Variants in MYO3B observed in about 807,000 individuals in gnomAD.
The protein encoded by MYO3B is myosin IIIB.
Under a neutral mutation model 174.6 loss-of-function variants are expected in MYO3B, and 156 were observed. The ratio of observed to expected loss-of-function variants is 0.89; its 90% CI spans 0.78 to 1.02. The LOEUF (loss-of-function observed/expected upper bound fraction) is 1.02. MYO3B is among the 50% of genes least tolerant of loss of function. The probability of loss-of-function intolerance (pLI) is 0.00; values close to 1 mark genes in which losing one functional copy is unlikely to be tolerated. For synonymous variants in MYO3B, 563 were observed against 569.1 expected (o/e 0.99, Z 0.15); for missense variants, 1,632 against 1,639.4 (o/e 1.00, Z 0.08).
chr2:170,438,916 G>C (rs1559001544), intron 22 of MYO3B, among the ~76,000 whole-genome samples: 2 of 151,894 alleles, frequency 1.3e-5, no homozygotes, highest in Non-Finnish European at 2.9e-5. Context: ...ACAGGTGTGA[G>C]CCACCGTGCC....
chr2:170,464,765 T>A (rs1023552720), intron 24 of MYO3B, among the ~76,000 whole-genome samples: 4 of 152,172 alleles, frequency 2.6e-5, no homozygotes, highest in South Asian at 2.1e-4. Flanking sequence ...TTATTTCTTA[T>A]ATTGAGACAC....
chr2:170,638,364 C>A (rs541635758), intron 32 of MYO3B, among the ~76,000 whole-genome samples: 8 of 152,256 alleles, frequency 5.3e-5, no homozygotes, highest in African/African-American at 9.6e-5. Flanking sequence ...TTCAGGGGAA[C>A]CTACCTTGTG....
At chr2:170,402,708 C>T (rs1176805814) in intron 18 of MYO3B, 140 bp from the exon 19 acceptor site, 1 of 605,402 alleles carries the variant, frequency 1.7e-6, no homozygotes, top group Non-Finnish European at 2.5e-6. Flanking sequence ...TGCTTCTTTT[C>T]TTAGGGGTGG....
chr2:170,414,861 T>C (rs2094568412), intron 22 of MYO3B, among the ~76,000 whole-genome samples: 1 of 152,238 alleles, frequency 6.6e-6, no homozygotes, highest in Admixed American at 6.5e-5. Context: ...TTTATTTTGA[T>C]TTTAGTTATT....
In MYO3B at chr2:170,563,139, CACACACAT is replaced by C. The variant is rs1339391518; in HGVS notation, c.3733+19159_3733+19166del. On this transcript the variant is annotated intron_variant, in intron 32 of 34. Transcript: ENST00000408978. ...ACACATACACACACACACACACACA[CACACACAT>C]ACACACACACACCCCAAGAATCAAA... is the stretch of plus-strand genomic sequence containing the variant. Among the ~76,000 whole-genome samples, 1,507 of 151,352 alleles carry C rather than the reference CACACACAT, an allele frequency of 1.0e-2. 33 individuals are homozygous for C. Among genetic ancestry groups the C allele is most frequent in the East Asian group, 0.083 (426 of 5,128 alleles).
rs202048084 is a variant in MYO3B, at chr2:170,304,901, TA to T, written c.750-30483del. Reference sequence around the variant, plus strand: ...TGGCCTTCTAATTTTGTTTAAGGTTTATTTTTTTTTTCTGTAAGAATCTGAC... The same window carrying T: ...TGGCCTTCTAATTTTGTTTAAGGTTTTTTTTTTTTTCTGTAAGAATCTGAC... On this transcript the variant is annotated intron_variant, in intron 7 of 34. Coordinates refer to ENST00000408978, the MANE Select transcript of MYO3B (RefSeq NM_138995.5). 3.0e-4 allele frequency among the ~76,000 whole-genome samples: 45 copies of T among 151,638 alleles called. 1 individual carries two copies. Among genetic ancestry groups the T allele is most frequent in the African/African-American group, 4.6e-4 (19 of 41,348 alleles).
At chr2:170,434,796 G>T (rs2094739308) in intron 22 of MYO3B, among the ~76,000 whole-genome samples, 1 of 152,190 alleles carries the variant, frequency 6.6e-6, no homozygotes, top group Admixed American at 6.5e-5. Context: ...AAGTAGCTGG[G>T]ACCACAGGCG....
chr2:170,398,228 G>GAAAAAAAA (rs34432719), intron 16 of MYO3B, among the ~76,000 whole-genome samples: 1 of 87,958 alleles, frequency 1.1e-5, no homozygotes, highest in African/African-American at 4.5e-5. Flanking sequence ...TGTCTCAAAA[G>GAAAAAAAA]AAAAAAAAAA....
At chr2:170,510,694 A>T (rs1687921231) in intron 28 of MYO3B, among the ~76,000 whole-genome samples, 1 of 71,318 alleles carries the variant, frequency 1.4e-5, no homozygotes, top group African/African-American at 7.0e-5. Flanking sequence ...AAGAACTCCA[A>T]AAAGTTCCCT....
chr2:170,626,147 C>A (rs139101564), intron 32 of MYO3B, among the ~76,000 whole-genome samples: 51 of 152,000 alleles, frequency 3.4e-4, no homozygotes, highest in Non-Finnish European at 4.3e-4. Context: ...TAATGTTGAC[C>A]GTGGGGTGTT....
intron 25 of MYO3B, among the ~76,000 whole-genome samples, chr2:170,480,362 T>C (rs781496285): frequency 7.2e-5 from 11 of 152,192 alleles, no homozygotes; most frequent in Non-Finnish European, 1.3e-4. Context: ...GGATTCTGGA[T>C]AGTTGAACAC....
chr2:170,226,282 C>T (rs2092951077), intron 6 of MYO3B, among the ~76,000 whole-genome samples: 1 of 152,190 alleles, frequency 6.6e-6, no homozygotes, highest in Non-Finnish European at 1.5e-5. Context: ...GCTGAAAGAC[C>T]TGCCTACCTT....
In MYO3B at chr2:170,466,605, C is replaced by CGA; in HGVS notation, c.2914_2915dup (p.Val973GlyfsTer32). Reference sequence around the variant, plus strand: ...TGACCGAGAGGCCCTGCAGTTCTCTCGAGAGAGGGTGCTGGCCCAGCTCCG... The same window carrying CGA: ...TGACCGAGAGGCCCTGCAGTTCTCTCGAGAGAGAGGGTGCTGGCCCAGCTCCG... On this transcript the variant is annotated frameshift_variant, in exon 25 of 35. Coordinates refer to ENST00000408978, the MANE Select transcript of MYO3B (RefSeq NM_138995.5). LOFTEE classifies it high-confidence loss of function. 6.2e-7 allele frequency: 1 copy of CGA among 1,614,228 alleles called. No homozygotes were observed. The highest frequency in any genetic ancestry group is 1.6e-4 in the Middle Eastern group (1 of 6,062).
intron 22 of MYO3B, among the ~76,000 whole-genome samples, chr2:170,429,024 A>G (rs2094687393): frequency 6.6e-6 from 1 of 152,226 alleles, no homozygotes; most frequent in African/African-American, 2.4e-5. Context: ...ATGGGAAGCT[A>G]ACAGCGTCTT....
intron 32 of MYO3B, among the ~76,000 whole-genome samples, chr2:170,592,721 G>C (rs938108614): frequency 1.3e-5 from 2 of 152,062 alleles, no homozygotes; most frequent in African/African-American, 4.8e-5. Flanking sequence ...TATCCTTGGT[G>C]CCCATCACAT....
At chr2:170,237,826 C>A (rs1368872224) in intron 7 of MYO3B, among the ~76,000 whole-genome samples, 1 of 152,108 alleles carries the variant, frequency 6.6e-6, no homozygotes, top group East Asian at 1.9e-4. Context: ...AACCTCCTGC[C>A]CTTTTAATGT....
chr2:170,535,192 T>TA (rs1689609004), intron 30 of MYO3B, among the ~76,000 whole-genome samples: 1 of 152,192 alleles, frequency 6.6e-6, no homozygotes, highest in South Asian at 2.1e-4. Flanking sequence ...CCCCAGTACT[T>TA]ACAATAGTAG....
chr2:170,528,653 G>A (rs771360376), intron 30 of MYO3B, among the ~76,000 whole-genome samples: 2 of 152,166 alleles, frequency 1.3e-5, no homozygotes, highest in Non-Finnish European at 2.9e-5. Flanking sequence ...TGATCCACCT[G>A]CCTCAGCTTC....
In MYO3B at chr2:170,387,443, C is replaced by T. The variant is rs138686792; in HGVS notation, c.1577+135C>T. The stretch of plus-strand genomic sequence containing the variant: ...CCCCAAGGGCAAAGAATTATTTAAG[C>T]AAAGGATCAGTGGTAGTTTTTGACC... On this transcript the variant is annotated intron_variant, in intron 14 of 34. Transcript: ENST00000408978. The T allele has an allele frequency of 2.9e-4, 234 of 815,244 alleles. 1 individual carries two copies. The East Asian group carries it at 6.1e-3, about 21-fold the overall frequency. The allele number at this position is 815,244 out of a possible 1,614,324, so 50.5% of individuals were successfully genotyped here. A position where few individuals can be genotyped will look rare whatever the true frequency, so the allele number is the denominator to read the frequency against.
Sources: allele counts gnomAD v4.1 joint callset (sites outside exome capture counted in the v4.1 genomes callset), GRCh38; gene constraint gnomAD v4.1.1; transcripts MANE v1.5; gene names NCBI Gene and HGNC (gene_info 2026-07-23, HGNC 2026-07-21).